The following ITPK1 variants were observed in gnomAD, a reference collection of about 807,000 sequenced individuals.
ITPK1 encodes the protein inositol-tetrakisphosphate 1-kinase, also known as inositol 1,3,4-trisphosphate 5/6-kinase.
In ITPK1, 21 loss-of-function variants were observed where a neutral mutation model predicts 45.3. The observed-to-expected ratio is 0.46, with a 90% CI of 0.33 to 0.67. The LOEUF is 0.67. ITPK1 is among the 30% of genes least tolerant of loss of function. The pLI is 0.02. For synonymous variants in ITPK1, 258 were observed against 253.6 expected, an observed-to-expected ratio of 1.02 and a Z score of -0.16; for missense variants, 474 against 573.5, an observed-to-expected ratio of 0.83 and a Z score of 1.77.
intron 4 of ITPK1, among the ~76,000 whole-genome samples, chr14:93,004,741 G>A (rs976660630): frequency 5.3e-5 from 8 of 152,020 alleles, no homozygotes; most frequent in Admixed American, 2.0e-4. Flanking sequence ...AAGGAGAGGC[G>A]TGGGGCTGAC....
intron 3 of ITPK1, among the ~76,000 whole-genome samples, chr14:93,018,527 T>C (rs1205692198): frequency 1.3e-5 from 2 of 152,134 alleles, no homozygotes; most frequent in African/African-American, 4.8e-5. Context: ...GGATTTCCCC[T>C]ATATAGAAAA....
intron 2 of ITPK1, among the ~76,000 whole-genome samples, chr14:93,102,228 A>G (rs1892347652): frequency 6.6e-6 from 1 of 152,256 alleles, no homozygotes; most frequent in Non-Finnish European, 1.5e-5. Flanking sequence ...AGGCTTCCCC[A>G]GAGCAGCGAG....
intron 3 of ITPK1, among the ~76,000 whole-genome samples, chr14:93,050,096 G>A (rs1889942013): frequency 6.6e-6 from 1 of 152,190 alleles, no homozygotes; most frequent in African/African-American, 2.4e-5. Context: ...CCAGGGGGCA[G>A]CAGGCCGTAG....
intron 2 of ITPK1, among the ~76,000 whole-genome samples, chr14:93,078,441 C>G (rs1312070274): frequency 6.6e-6 from 1 of 152,166 alleles, no homozygotes; most frequent in Non-Finnish European, 1.5e-5. Flanking sequence ...TGGGAAGCAC[C>G]CAGCCCACCT....
At chr14:93,088,421 C>T (rs1891738696) in intron 2 of ITPK1, among the ~76,000 whole-genome samples, 1 of 148,216 alleles carries the variant, frequency 6.7e-6, no homozygotes, top group Admixed American at 6.7e-5. Context: ...CTCATTGCAG[C>T]CTTGACCTCC....
At chr14:93,010,384 T>C (rs3783910) in intron 4 of ITPK1, among the ~76,000 whole-genome samples, 1 of 152,146 alleles carries the variant, frequency 6.6e-6, no homozygotes, top group Non-Finnish European at 1.5e-5. Context: ...ATCACATTTG[T>C]GGCAAACGTG....
rs143124838 is a variant in ITPK1 at position 93,040,945 on chromosome 14, C to T, written c.121-24144G>A. On this transcript the variant is annotated intron_variant, in intron 3 of 10. Coordinates refer to ENST00000267615, the MANE Select transcript of ITPK1 (RefSeq NM_014216.6). The stretch of plus-strand genomic sequence containing the variant: ...AAAAGGAAGGATCCTGCCTACATCT[C>T]GAGGTGTCGTGCACATTCAACAAGA... Among the ~76,000 whole-genome samples the T allele has an allele frequency of 3.4e-3, 514 of 152,294 alleles. 2 individuals are homozygous for T. Among genetic ancestry groups the T allele is most frequent in the African/African-American group, 0.011 (475 of 41,552 alleles).
intron 4 of ITPK1, among the ~76,000 whole-genome samples, chr14:93,010,541 G>A (rs1300502748): frequency 6.6e-6 from 1 of 152,218 alleles, no homozygotes; most frequent in East Asian, 1.9e-4. Context: ...AACAGCACTT[G>A]AGTCCCTCTG....
chr14:93,004,040 G>A (rs1216630112), intron 4 of ITPK1, among the ~76,000 whole-genome samples: 2 of 152,250 alleles, frequency 1.3e-5, no homozygotes, highest in Admixed American at 1.3e-4. Context: ...CCCCTGAACG[G>A]AGCCAGATGC....
intron 3 of ITPK1, among the ~76,000 whole-genome samples, chr14:93,017,693 T>C (rs1030439277): frequency 6.6e-6 from 1 of 152,214 alleles, no homozygotes; most frequent in Admixed American, 6.5e-5. Flanking sequence ...AATCTGGCCT[T>C]AGCAGAGGCC....
intron 4 of ITPK1, among the ~76,000 whole-genome samples, chr14:92,998,203 G>T (rs1057152457): frequency 6.6e-6 from 1 of 152,228 alleles, no homozygotes; most frequent in Non-Finnish European, 1.5e-5. Context: ...GATGCAAAAG[G>T]AGTTTGTAGA....
intron 2 of ITPK1, among the ~76,000 whole-genome samples, chr14:93,098,487 G>A (rs1050085835): frequency 6.6e-6 from 1 of 151,858 alleles, no homozygotes; most frequent in Admixed American, 6.6e-5. Flanking sequence ...AATTAGCCGG[G>A]CGTGGTGGTG....
rs374886092 is a variant in ITPK1, at chr14:93,057,678, C to G, written c.120+18917G>C. ...GACAGAGAAAGAAGCAGAGCCCGGCCGAGGCCATGCAGGGAGGAGAGGCAG... is the reference window on the plus strand; with the variant it reads ...GACAGAGAAAGAAGCAGAGCCCGGCGGAGGCCATGCAGGGAGGAGAGGCAG... On this transcript the variant is annotated intron_variant, in intron 3 of 10. Coordinates refer to ENST00000267615, the MANE Select transcript of ITPK1 (RefSeq NM_014216.6). Among the ~76,000 whole-genome samples, 14 of 152,306 alleles carry G rather than the reference C, an allele frequency of 9.2e-5. No individual in the cohort carries two copies. The East Asian group carries it at 2.3e-3, about 25-fold the overall frequency.
chr14:92,962,861 G>A lies in ITPK1; in HGVS notation c.365-12C>T, dbSNP rs770578480. On this transcript the variant is annotated splice_polypyrimidine_tract_variant and intron_variant, in intron 5 of 10. Coordinates refer to ENST00000267615, the MANE Select transcript of ITPK1 (RefSeq NM_014216.6). ...GCAGATCCTGTCGTCTAGGGCAGAA[G>A]GGAGGCCTGGTCAGCACAGCTCCTG... 3 of 1,598,530 alleles carry A rather than the reference G, an allele frequency of 1.9e-6. No individual in the cohort carries two copies. The East Asian group carries it at 6.7e-5, about 36-fold the overall frequency.
chr14:93,088,123 G>A (rs1445301153), intron 2 of ITPK1, among the ~76,000 whole-genome samples: 1 of 152,202 alleles, frequency 6.6e-6, no homozygotes, highest in Non-Finnish European at 1.5e-5. Flanking sequence ...AGGGGCCTGA[G>A]CACGACCCAA....
chr14:93,106,449 CAGAGGCTTATAAGGCTTATGGT>C (rs1284485354), intron 2 of ITPK1, among the ~76,000 whole-genome samples: 4 of 152,192 alleles, frequency 2.6e-5, no homozygotes, highest in African/African-American at 9.6e-5. Context: ...GGGCTTATGG[CAGAGGCTTATAAGGCTTATGGT>C]AGAGGCCAGG....
Position 92,959,222 on chromosome 14 carries a change from G to T in ITPK1, c.505-856C>A, listed in dbSNP as rs537451750. 5.9e-5 allele frequency among the ~76,000 whole-genome samples: 9 copies of T among 152,348 alleles called. No individual in the cohort carries two copies. The South Asian group carries it at 1.9e-3, about 32-fold the overall frequency. On this transcript the variant is annotated intron_variant, in intron 7 of 10. Transcript: ENST00000267615. ...CAGGGTCTGCTCTAAGGACAGAGGGGTGGGCCCTAGGCCTAGCCGATCCAG... is the reference window on the plus strand; with the variant it reads ...CAGGGTCTGCTCTAAGGACAGAGGGTTGGGCCCTAGGCCTAGCCGATCCAG...
intron 2 of ITPK1, among the ~76,000 whole-genome samples, chr14:93,108,975 T>G (rs553234300): frequency 1.3e-5 from 2 of 152,308 alleles, no homozygotes; most frequent in Non-Finnish European, 2.9e-5. Context: ...ATCGTGCCAC[T>G]GCACTCCAGT....
At chr14:93,062,024 A>G (rs374512487) in intron 3 of ITPK1, among the ~76,000 whole-genome samples, 13 of 152,310 alleles carry the variant, frequency 8.5e-5, no homozygotes, top group African/African-American at 2.9e-4. Context: ...TAATCCCAAC[A>G]CTTTTAGAAG....
Sources: allele counts gnomAD v4.1 joint callset (sites outside exome capture counted in the v4.1 genomes callset), GRCh38; gene constraint gnomAD v4.1.1; transcripts MANE v1.5; gene names NCBI Gene and HGNC (gene_info 2026-07-23, HGNC 2026-07-21).